STRN3: variants seen among roughly 807,000 people sequenced by gnomAD.
The protein encoded by STRN3 is striatin-3.
A neutral mutation model predicts 95.6 loss-of-function variants in STRN3; 29 were observed. The ratio of observed to expected loss-of-function variants is 0.30; its 90% confidence interval spans 0.23 to 0.41. STRN3 has a LOEUF of 0.41. STRN3 is among the 10% of genes least tolerant of loss of function. The pLI is 1.00. For missense variants in STRN3, 890 were observed against 972.1 expected (o/e 0.92, Z 1.12); for synonymous variants, 331 against 357.6 (o/e 0.93, Z 0.84).
intron 7 of STRN3, among the ~76,000 whole-genome samples, chr14:30,933,303 A>C (rs957677539): frequency 1.3e-5 from 2 of 150,656 alleles, no homozygotes; most frequent in Admixed American, 1.3e-4. Context: ...AAAAAAAAAA[A>C]AACGATGCAG....
chr14:30,992,899 A>C (rs777815068), intron 1 of STRN3, among the ~76,000 whole-genome samples: 3 of 152,290 alleles, frequency 2.0e-5, no homozygotes, highest in Non-Finnish European at 4.4e-5. Context: ...TATGTTGCCT[A>C]GGCTGGTCTC....
At chr14:30,908,828 C>T (rs1419503552) in intron 13 of STRN3, among the ~76,000 whole-genome samples, 1 of 152,194 alleles carries the variant, frequency 6.6e-6, no homozygotes, top group Non-Finnish European at 1.5e-5. Context: ...TACACTCCCC[C>T]AGTATTGCCC....
intron 1 of STRN3, among the ~76,000 whole-genome samples, chr14:30,965,780 A>C (rs1880464122): frequency 6.6e-6 from 1 of 151,840 alleles, no homozygotes; most frequent in Non-Finnish European, 1.5e-5. Context: ...AAAAAAAAAA[A>C]AAAAAAAAAC....
intron 9 of STRN3, among the ~76,000 whole-genome samples, chr14:30,913,998 T>TAA (rs1896672957): frequency 6.6e-6 from 1 of 152,200 alleles, no homozygotes; most frequent in Non-Finnish European, 1.5e-5. Context: ...TTTGATTAAA[T>TAA]AATGGAGTTA....
intron 5 of STRN3, among the ~76,000 whole-genome samples, chr14:30,937,785 G>C (rs1221242268): frequency 6.6e-6 from 1 of 152,126 alleles, no homozygotes; most frequent in East Asian, 1.9e-4. Flanking sequence ...TCTTTACTAA[G>C]AGTACATGGT....
At chr14:31,017,015 T>G (rs1305442510) in intron 1 of STRN3, among the ~76,000 whole-genome samples, 2 of 151,088 alleles carry the variant, frequency 1.3e-5, no homozygotes, top group African/African-American at 4.9e-5. Flanking sequence ...ATTAGCCAGG[T>G]GTGGTGGCGG....
chr14:31,002,089 C>T (rs1882480053), intron 1 of STRN3, among the ~76,000 whole-genome samples: 1 of 145,554 alleles, frequency 6.9e-6, no homozygotes, highest in Non-Finnish European at 1.5e-5. Flanking sequence ...TCGCTTGAAC[C>T]CGGTGGGCGG....
intron 8 of STRN3, among the ~76,000 whole-genome samples, chr14:30,920,079 T>C (rs1594437169): frequency 6.6e-6 from 1 of 152,162 alleles, no homozygotes; most frequent in East Asian, 1.9e-4. Context: ...ATCCGACTGC[T>C]ATATATTAAG....
chr14:30,975,634 C>A (rs1881063474), intron 1 of STRN3, among the ~76,000 whole-genome samples: 1 of 151,038 alleles, frequency 6.6e-6, no homozygotes, highest in African/African-American at 2.4e-5. Flanking sequence ...AGACTTGAAG[C>A]CTGGGCAATA....
At chr14:30,970,585 C>G (rs1880778652) in intron 1 of STRN3, among the ~76,000 whole-genome samples, 1 of 152,158 alleles carries the variant, frequency 6.6e-6, no homozygotes. Context: ...GCTGAGGTTT[C>G]AAGGACAGAC....
chr14:30,967,817 C>T (rs1368820057), intron 1 of STRN3, among the ~76,000 whole-genome samples: 1 of 152,104 alleles, frequency 6.6e-6, no homozygotes, highest in Non-Finnish European at 1.5e-5. Context: ...TTCCCTTAAC[C>T]CAGAAGGTTT....
At chr14:30,930,222 T>G (rs1417194006) in intron 7 of STRN3, among the ~76,000 whole-genome samples, 1 of 152,240 alleles carries the variant, frequency 6.6e-6, no homozygotes, top group East Asian at 1.9e-4. Context: ...TCTTTGAGAA[T>G]TATTTTAAAT....
intron 5 of STRN3, among the ~76,000 whole-genome samples, chr14:30,943,908 T>C (rs574753882): frequency 6.6e-6 from 1 of 152,032 alleles, no homozygotes; most frequent in Non-Finnish European, 1.5e-5. Context: ...TGTTCGAAAG[T>C]TATTGTTTCC....
intron 1 of STRN3, among the ~76,000 whole-genome samples, chr14:31,022,822 A>G (rs1356198307): frequency 1.3e-5 from 2 of 152,128 alleles, no homozygotes; most frequent in Non-Finnish European, 2.9e-5. Context: ...CTCACCTGTA[A>G]AACAGGAATA....
In STRN3 at chr14:30,911,837, GA is replaced by G. The variant is rs1160290267; in HGVS notation, c.1551-14del. On this transcript the variant is annotated splice_polypyrimidine_tract_variant and intron_variant, in intron 11 of 17. Coordinates refer to ENST00000357479, the MANE Select transcript of STRN3 (RefSeq NM_001083893.2). ...TAAAGAGGCACTCCTAAAAGAGGGG[GA>G]AAAAGGGTAGGGGAAGAGAAGGCAA... is the stretch of plus-strand genomic sequence containing the variant. 3.7e-6 allele frequency: 6 copies of G among 1,600,020 alleles called. No homozygotes were observed. The highest frequency in any genetic ancestry group is 2.3e-5 in the South Asian group (2 of 87,528).
intron 5 of STRN3, among the ~76,000 whole-genome samples, chr14:30,940,029 GTTTTT>G (rs531568767): frequency 1.4e-5 from 2 of 146,218 alleles, no homozygotes; most frequent in African/African-American, 5.0e-5. Context: ...TGCCTAGTGT[GTTTTT>G]TTTTTAATTG....
chr14:30,951,653 G>A (rs1256670892), intron 3 of STRN3, among the ~76,000 whole-genome samples: 2 of 152,062 alleles, frequency 1.3e-5, no homozygotes, highest in African/African-American at 4.8e-5. Flanking sequence ...TAAAAATATT[G>A]AATACCTTAA....
At chr14:30,992,753 C>A (rs754729854) in intron 1 of STRN3, among the ~76,000 whole-genome samples, 1 of 152,208 alleles carries the variant, frequency 6.6e-6, no homozygotes, top group South Asian at 2.1e-4. Flanking sequence ...GTGGCTCACA[C>A]CTGTAATCCC....
At chr14:30,982,098 CAAAAAAAA>C (rs11451891) in intron 1 of STRN3, among the ~76,000 whole-genome samples, 1 of 75,542 alleles carries the variant, frequency 1.3e-5, no homozygotes, top group Middle Eastern at 0.013. Context: ...CTCTGTCTCA[CAAAAAAAA>C]AAAAAAAAAA....
Sources: gnomAD v4.1 joint callset for allele counts (sites outside exome capture counted in the v4.1 genomes callset) on GRCh38, gnomAD v4.1.1 for gene constraint, MANE v1.5 for transcripts, NCBI Gene and HGNC (gene_info 2026-07-23, HGNC 2026-07-21) for gene names.